BRINP3: variants seen among roughly 807,000 people sequenced by gnomAD.
BRINP3 encodes BMP/retinoic acid inducible neural specific 3.
In BRINP3, 19 loss-of-function variants were observed where a neutral mutation model predicts 71.0. The observed-to-expected ratio is 0.27, with a 90% CI of 0.19 to 0.39. The LOEUF (loss-of-function observed/expected upper bound fraction) is 0.39. Ranked by LOEUF, BRINP3 falls within the 10% of genes least tolerant of loss-of-function variation. The pLI, the probability that BRINP3 is intolerant of heterozygous loss-of-function variation, is 1.00. For synonymous variants in BRINP3, 380 were observed against 337.7 expected, an observed-to-expected ratio of 1.13 and a Z score of -1.37; for missense variants, 959 against 940.8, an observed-to-expected ratio of 1.02 and a Z score of -0.25.
At chr1:190,459,612 ATTAGAT>A (rs751803719) in intron 1 of BRINP3, among the ~76,000 whole-genome samples, 6 of 152,020 alleles carry the variant, frequency 3.9e-5, no homozygotes, top group Non-Finnish European at 7.4e-5. Context: ...CCACAACTGA[ATTAGAT>A]GTCCAGTGAT....
intron 2 of BRINP3, among the ~76,000 whole-genome samples, chr1:190,289,909 T>C (rs905093103): frequency 1.3e-5 from 2 of 152,050 alleles, no homozygotes; most frequent in Non-Finnish European, 2.9e-5. Context: ...TCATGTTTCA[T>C]GTAGATGTGA....
intron 6 of BRINP3, among the ~76,000 whole-genome samples, chr1:190,166,180 A>T (rs1262811052): frequency 6.6e-6 from 1 of 152,184 alleles, no homozygotes; most frequent in Non-Finnish European, 1.5e-5. Context: ...TGCTGCATAA[A>T]GTAAATGGCA....
At chr1:190,459,238 AT>A (rs1676221616) in intron 1 of BRINP3, among the ~76,000 whole-genome samples, 1 of 151,584 alleles carries the variant, frequency 6.6e-6, no homozygotes, top group Non-Finnish European at 1.5e-5. Context: ...TACATCAAAA[AT>A]ATGTTACATA....
At chr1:190,449,570 T>C (rs946019143) in intron 2 of BRINP3, among the ~76,000 whole-genome samples, 2 of 151,950 alleles carry the variant, frequency 1.3e-5, no homozygotes, top group African/African-American at 4.8e-5. Context: ...CATGTATATA[T>C]ATATATGTAC....
intron 2 of BRINP3, among the ~76,000 whole-genome samples, chr1:190,344,565 T>C (rs1667889684): frequency 6.6e-6 from 1 of 151,896 alleles, no homozygotes; most frequent in Non-Finnish European, 1.5e-5. Flanking sequence ...AATGTCATCA[T>C]CATGACTTTC....
At chr1:190,389,622 T>C (rs1671126270) in intron 2 of BRINP3, among the ~76,000 whole-genome samples, 1 of 151,808 alleles carries the variant, frequency 6.6e-6, no homozygotes, top group Non-Finnish European at 1.5e-5. Context: ...TTCTGTCTGC[T>C]GGGTGATATT....
At position 190,352,494 on chromosome 1, in the gene BRINP3, G is replaced by A. The variant is rs184264202; in HGVS notation, c.237-70744C>T. 2.5e-3 allele frequency among the ~76,000 whole-genome samples: 381 copies of A among 151,996 alleles called. 1 individual carries two copies. Among genetic ancestry groups the A allele is most frequent in the Admixed American group, 4.5e-3 (69 of 15,236 alleles). The stretch of plus-strand genomic sequence containing the variant: ...TCCTGCTAAGAAAATAGGAATCTAG[G>A]TATTATCTATCATGAGAATATTTAA... On this transcript the variant is annotated intron_variant, in intron 2 of 7. Coordinates refer to ENST00000367462, the MANE Select transcript of BRINP3 (RefSeq NM_199051.3).
At chr1:190,152,781 T>C (rs1656529522) in intron 7 of BRINP3, among the ~76,000 whole-genome samples, 1 of 152,100 alleles carries the variant, frequency 6.6e-6, no homozygotes, top group African/African-American at 2.4e-5. Flanking sequence ...AATTTTATTT[T>C]ATCATTATAG....
intron 5 of BRINP3, 65 bp downstream of exon 5, chr1:190,234,307 A>G: frequency 8.1e-7 from 1 of 1,235,844 alleles, no homozygotes; most frequent in Non-Finnish European, 1.1e-6. Flanking sequence ...AAAATGGAAA[A>G]GAAATCACGA....
At chr1:190,335,757 G>T (rs1173150503) in intron 2 of BRINP3, among the ~76,000 whole-genome samples, 2 of 151,888 alleles carry the variant, frequency 1.3e-5, no homozygotes, top group Non-Finnish European at 2.9e-5. Flanking sequence ...TTACAATGGA[G>T]ATTTTAAAGT....
intron 2 of BRINP3, among the ~76,000 whole-genome samples, chr1:190,305,991 A>C (rs1451392695): frequency 3.3e-5 from 5 of 151,898 alleles, no homozygotes; most frequent in African/African-American, 7.2e-5. Flanking sequence ...TACTTATAAC[A>C]ATAAAATATT....
intron 2 of BRINP3, among the ~76,000 whole-genome samples, chr1:190,340,462 T>G (rs906211915): frequency 6.6e-6 from 1 of 151,906 alleles, no homozygotes; most frequent in Non-Finnish European, 1.5e-5. Context: ...TTGATTGATT[T>G]ATCTCTCCAT....
intron 4 of BRINP3, among the ~76,000 whole-genome samples, chr1:190,258,311 T>C (rs1001992395): frequency 2.0e-5 from 3 of 152,226 alleles, no homozygotes; most frequent in African/African-American, 7.2e-5. Context: ...GGATATAATC[T>C]GGTGTGTCAT....
At chr1:190,429,544 A>T (rs1035402185) in intron 2 of BRINP3, among the ~76,000 whole-genome samples, 1 of 151,504 alleles carries the variant, frequency 6.6e-6, no homozygotes, top group Non-Finnish European at 1.5e-5. Context: ...TTCTAATTGT[A>T]TCAAGTTATC....
At chr1:190,221,015 C>T (rs1023016869) in intron 6 of BRINP3, among the ~76,000 whole-genome samples, 7 of 152,032 alleles carry the variant, frequency 4.6e-5, no homozygotes, top group Admixed American at 6.6e-5. Flanking sequence ...CAGAGGAGTT[C>T]GAGACCAGCC....
In BRINP3 at chr1:190,104,432, C is replaced by T. The variant is rs150833907; in HGVS notation, c.1185-5298G>A. Among the ~76,000 whole-genome samples the T allele has an allele frequency of 5.4e-3, 821 of 152,110 alleles. 5 individuals are homozygous for T. Among genetic ancestry groups the T allele is most frequent in the African/African-American group, 0.018 (751 of 41,532 alleles). ...AGGAAATAAATGTAAACTCTTATTC[C>T]TATTATGAATGTTATTCCTACTATC... On this transcript the variant is annotated intron_variant, in intron 7 of 7. Coordinates refer to ENST00000367462, the MANE Select transcript of BRINP3 (RefSeq NM_199051.3).
intron 2 of BRINP3, among the ~76,000 whole-genome samples, chr1:190,446,558 G>A (rs1675232251): frequency 6.6e-6 from 1 of 152,118 alleles, no homozygotes; most frequent in Admixed American, 6.5e-5. Context: ...GTAATTGTAA[G>A]TGATTTTTGC....
At chr1:190,465,861 G>C (rs1676711569) in intron 1 of BRINP3, among the ~76,000 whole-genome samples, 1 of 151,762 alleles carries the variant, frequency 6.6e-6, no homozygotes, top group African/African-American at 2.4e-5. Flanking sequence ...TACCAAAACA[G>C]TAAAACAGAA....
chr1:190,439,293 C>T (rs1182583471), intron 2 of BRINP3, among the ~76,000 whole-genome samples: 3 of 151,822 alleles, frequency 2.0e-5, no homozygotes, highest in Non-Finnish European at 4.4e-5. Flanking sequence ...AAGAGTATTT[C>T]AACTGAAACT....
Sources: allele counts gnomAD v4.1 joint callset (sites outside exome capture counted in the v4.1 genomes callset), GRCh38; gene constraint gnomAD v4.1.1; transcripts MANE v1.5; gene names NCBI Gene and HGNC (gene_info 2026-07-23, HGNC 2026-07-21).